The following TENM4 variants were observed in gnomAD, a reference collection of about 807,000 sequenced individuals.
TENM4 encodes teneurin transmembrane protein 4.
TENM4 carries 82 observed loss-of-function variants against 243.3 expected under a neutral mutation model. The observed-to-expected ratio is 0.34, with a 90% CI of 0.28 to 0.40. The LOEUF is 0.40. Ranked by LOEUF, TENM4 falls within the 10% of genes least tolerant of loss-of-function variation. The pLI is 1.00. For synonymous variants in TENM4, 1,412 were observed against 1,456.3 expected (o/e 0.97, Z 0.69); for missense variants, 3,138 against 3,673.3 (o/e 0.85, Z 3.77).
chr11:78,862,419 C>G (rs547084807), intron 10 of TENM4, among the ~76,000 whole-genome samples: 1 of 152,236 alleles, frequency 6.6e-6, no homozygotes, highest in African/African-American at 2.4e-5. Flanking sequence ...ACATGCTGTA[C>G]GAACACTAAT....
At chr11:79,261,149 T>C (rs1245722299) in intron 2 of TENM4, among the ~76,000 whole-genome samples, 1 of 152,196 alleles carries the variant, frequency 6.6e-6, no homozygotes, top group Non-Finnish European at 1.5e-5. Context: ...ATTTCTGACC[T>C]GAGCCATGGA....
chr11:79,080,608 T>G (rs1202750428), intron 4 of TENM4, among the ~76,000 whole-genome samples: 5 of 152,204 alleles, frequency 3.3e-5, no homozygotes, highest in Non-Finnish European at 7.4e-5. Context: ...CTCCTGTATC[T>G]GACACATGTT....
At chr11:78,802,260 C>T (rs766639495) in intron 15 of TENM4, among the ~76,000 whole-genome samples, 21 of 152,230 alleles carry the variant, frequency 1.4e-4, no homozygotes, top group Non-Finnish European at 2.6e-4. Context: ...TACTGTATGA[C>T]GGACACTGTT....
At chr11:78,670,578 G>T in intron 31 of TENM4, 27 bp from the exon 32 acceptor site, 1 of 1,578,736 alleles carries the variant, frequency 6.3e-7, no homozygotes, top group South Asian at 1.2e-5. Context: ...ACCAAGAGAT[G>T]AGAGGAGGGT....
At chr11:78,873,748 A>G (rs941615096) in intron 9 of TENM4, among the ~76,000 whole-genome samples, 1 of 152,196 alleles carries the variant, frequency 6.6e-6, no homozygotes, top group Non-Finnish European at 1.5e-5. Flanking sequence ...AACAGAAAGG[A>G]TGTTAAAAGA....
At chr11:78,707,755 CA>C (rs1330577860) in intron 27 of TENM4, among the ~76,000 whole-genome samples, 1 of 152,198 alleles carries the variant, frequency 6.6e-6, no homozygotes, top group African/African-American at 2.4e-5. Flanking sequence ...AAGGGCCAAG[CA>C]ATGCTAGGAG....
At chr11:79,368,383 A>T (rs1189717581) in intron 1 of TENM4, among the ~76,000 whole-genome samples, 1 of 152,228 alleles carries the variant, frequency 6.6e-6, no homozygotes, top group Non-Finnish European at 1.5e-5. Context: ...ACCAACCTCG[A>T]CAGAGACAGT....
intron 1 of TENM4, among the ~76,000 whole-genome samples, chr11:79,323,817 G>A (rs115815839): frequency 6.6e-6 from 1 of 152,076 alleles, no homozygotes; most frequent in African/African-American, 2.4e-5. Context: ...TTTTGGACTT[G>A]CCAGTTCCTA....
chr11:79,273,606 A>T (rs1356449946), intron 2 of TENM4, among the ~76,000 whole-genome samples: 1 of 152,158 alleles, frequency 6.6e-6, no homozygotes, highest in East Asian at 1.9e-4. Flanking sequence ...TAGTTCAAAG[A>T]GGTTAAGTTG....
At chr11:79,049,268 TC>T (rs1591240796) in intron 6 of TENM4, among the ~76,000 whole-genome samples, 1 of 152,162 alleles carries the variant, frequency 6.6e-6, no homozygotes, top group African/African-American at 2.4e-5. Context: ...TGGACACGGC[TC>T]TTCCCCCCTA....
chr11:79,198,486 C>T (rs1404885485), intron 3 of TENM4, among the ~76,000 whole-genome samples: 1 of 152,214 alleles, frequency 6.6e-6, no homozygotes, highest in Non-Finnish European at 1.5e-5. Flanking sequence ...CCCCCTCCTT[C>T]CACCACTCTC....
chr11:78,663,117 GAGACAGAC>G (rs371617002), intron 32 of TENM4, among the ~76,000 whole-genome samples: 1 of 152,154 alleles, frequency 6.6e-6, no homozygotes, highest in Non-Finnish European at 1.5e-5. Flanking sequence ...GGGCCAGAGG[GAGACAGAC>G]AGACAGACAG....
At chr11:79,274,537 T>C (rs1856021026) in intron 2 of TENM4, among the ~76,000 whole-genome samples, 1 of 152,148 alleles carries the variant, frequency 6.6e-6, no homozygotes, top group African/African-American at 2.4e-5. Flanking sequence ...GAAATCTTGG[T>C]AAAATGGTTA....
Position 78,653,394 on chromosome 11 carries a change from C to A in TENM4, c.*4664G>T, listed in dbSNP as rs1213323918. ...TATCTACATCTGCATTTATTTACAG[C>A]CTTGTTGGTATTTACACAGTCAAGA... is the stretch of plus-strand genomic sequence containing the variant. On this transcript the variant is annotated 3_prime_UTR_variant, in exon 34 of 34. Transcript: ENST00000278550. 6.6e-6 allele frequency: 1 copy of A among 151,992 alleles called. No homozygotes were observed. The highest frequency in any genetic ancestry group is 1.5e-5 in the Non-Finnish European group (1 of 67,992). The allele number at this position is 151,992 out of a possible 1,614,324, so 9.4% of individuals were successfully genotyped here.
chr11:78,979,138 G>C (rs886391071), intron 6 of TENM4, among the ~76,000 whole-genome samples: 7 of 152,176 alleles, frequency 4.6e-5, no homozygotes, highest in Non-Finnish European at 8.8e-5. Flanking sequence ...TTTGTCACAG[G>C]TCCCTGAGCT....
chr11:79,402,130 C>A (rs1302563862), intron 1 of TENM4: 1 of 352,666 alleles, frequency 2.8e-6, no homozygotes. Flanking sequence ...ACACAGCAGT[C>A]CCTCGCCAAC....
intron 6 of TENM4, among the ~76,000 whole-genome samples, chr11:78,919,792 A>G (rs1856406930): frequency 6.6e-6 from 1 of 151,882 alleles, no homozygotes; most frequent in African/African-American, 2.4e-5. Flanking sequence ...TTCCATCCTT[A>G]CAGCTGGGAG....
At chr11:79,289,628 T>C (rs913420209) in intron 2 of TENM4, among the ~76,000 whole-genome samples, 62 of 152,246 alleles carry the variant, frequency 4.1e-4, no homozygotes, top group Admixed American at 4.1e-3. Context: ...CTTACTCCCT[T>C]ACAGGTGCTG....
chr11:79,418,445 G>T (rs1482565192), intron 1 of TENM4, among the ~76,000 whole-genome samples: 1 of 152,190 alleles, frequency 6.6e-6, no homozygotes, highest in Non-Finnish European at 1.5e-5. Flanking sequence ...TGTATCTGTT[G>T]AGTCATAGCC....
Sources: gnomAD v4.1 joint callset for allele counts (sites outside exome capture counted in the v4.1 genomes callset) on GRCh38, gnomAD v4.1.1 for gene constraint, MANE v1.5 for transcripts, NCBI Gene and HGNC (gene_info 2026-07-23, HGNC 2026-07-21) for gene names.